The following TAAR5 variants were observed in gnomAD, a reference collection of about 807,000 sequenced individuals.
The protein encoded by TAAR5 is trace amine-associated receptor 5.
In TAAR5, 27 loss-of-function variants were observed where a neutral mutation model predicts 21.1. That is an observed-to-expected ratio of 1.28 (90% CI 0.94 to 1.76). The LOEUF is 1.76. TAAR5 is among the 40% of genes most tolerant of loss of function. TAAR5 has a pLI of 0.00. For synonymous variants in TAAR5, 203 were observed against 167.5 expected, an observed-to-expected ratio of 1.21 and a Z score of -1.64; for missense variants, 495 against 405.6, an observed-to-expected ratio of 1.22 and a Z score of -1.89.
chr6:132,608,030 G>C, the TAAR5 span, among the ~76,000 whole-genome samples: 1 of 152,170 alleles, frequency 6.6e-6, no homozygotes, highest in East Asian at 1.9e-4. Flanking sequence ...GTGTGGATTG[G>C]AAGTGGGTTA....
chr6:132,608,719 T>C, the TAAR5 span: 3 of 455,710 alleles, frequency 6.6e-6, no homozygotes, highest in African/African-American at 6.0e-5. Flanking sequence ...GGCACAGAAA[T>C]TGAAGCAAGC....
the TAAR5 span, among the ~76,000 whole-genome samples, chr6:132,612,822 G>A: frequency 6.6e-6 from 1 of 152,140 alleles, no homozygotes. Flanking sequence ...GCAGAATACA[G>A]ACTTGCAGTT....
chr6:132,591,765 G>C (rs991567794), upstream of TAAR5, among the ~76,000 whole-genome samples: 46 of 152,272 alleles, frequency 3.0e-4, no homozygotes, highest in African/African-American at 1.1e-3. Context: ...TTCTGTTCTG[G>C]GATAGATTAC....
the TAAR5 span, chr6:132,608,458 A>G: frequency 2.2e-5 from 10 of 455,974 alleles, no homozygotes; most frequent in South Asian, 1.4e-4. Flanking sequence ...CAGAACAGCA[A>G]GAAAACAAGG....
Position 132,588,909 on chromosome 6 carries a change from T to G in TAAR5, c.778A>C (p.Ile260Leu), listed in dbSNP as rs1005810941. The G allele has an allele frequency of 1.9e-6, 3 of 1,614,146 alleles. No homozygotes were observed. Among genetic ancestry groups the G allele is most frequent in the Non-Finnish European group, 2.5e-6 (3 of 1,180,008 alleles). The change falls in exon 1 of 1, where the codon ATA becomes CTA. Residue 260 changes from isoleucine to leucine, a missense_variant. Transcript: ENST00000258034. ...AAGGGCAGCCAGCACAAGAGGTATA[T>G]GCCCACAGCAATGCCCAGGGTCTTG... ...AAKTLGIAVG[I>L]YLLCWLPFTI...
chr6:132,608,813 A>G, the TAAR5 span: 3 of 455,956 alleles, frequency 6.6e-6, no homozygotes, highest in Non-Finnish European at 1.3e-5. Context: ...GGAACTGACC[A>G]GCAAAATGCC....
chr6:132,603,468 A>G, the TAAR5 span, among the ~76,000 whole-genome samples: 2 of 150,112 alleles, frequency 1.3e-5, no homozygotes, highest in Non-Finnish European at 3.0e-5. Flanking sequence ...AATGTATTAT[A>G]TGCATATGAT....
the TAAR5 span, among the ~76,000 whole-genome samples, chr6:132,602,772 T>C: frequency 6.3e-5 from 6 of 94,640 alleles, no homozygotes; most frequent in Non-Finnish European, 1.0e-4. Context: ...CTAAGACCTT[T>C]AGAAGTCAAA....
chr6:132,600,311 G>A, the TAAR5 span, among the ~76,000 whole-genome samples: 1 of 152,166 alleles, frequency 6.6e-6, no homozygotes, highest in African/African-American at 2.4e-5. Context: ...CCTTCTTTGA[G>A]GGAGAAGATC....
At chr6:132,611,338 T>G in the TAAR5 span, among the ~76,000 whole-genome samples, 1 of 151,684 alleles carries the variant, frequency 6.6e-6, no homozygotes, top group Non-Finnish European at 1.5e-5. Flanking sequence ...AAAATACAGT[T>G]AGATAGAATG....
the TAAR5 span, among the ~76,000 whole-genome samples, chr6:132,610,266 G>A: frequency 6.6e-6 from 1 of 152,158 alleles, no homozygotes; most frequent in Non-Finnish European, 1.5e-5. Flanking sequence ...AGAGAAGCTT[G>A]ACATTGTGCC....
At chr6:132,611,139 C>T in the TAAR5 span, among the ~76,000 whole-genome samples, 1 of 149,602 alleles carries the variant, frequency 6.7e-6, no homozygotes. Flanking sequence ...AACTGGAGGA[C>T]AATATGTTAG....
At chr6:132,602,921 C>T in the TAAR5 span, among the ~76,000 whole-genome samples, 1 of 151,708 alleles carries the variant, frequency 6.6e-6, no homozygotes, top group African/African-American at 2.4e-5. Context: ...GCTCATAAAA[C>T]TGCAAGCAGT....
At chr6:132,600,214 T>G in the TAAR5 span, among the ~76,000 whole-genome samples, 46 of 152,170 alleles carry the variant, frequency 3.0e-4, no homozygotes, top group African/African-American at 9.7e-4. Context: ...CAAATTATTA[T>G]TAGTAGTAGT....
chr6:132,592,597 C>T (rs1017626127), upstream of TAAR5, among the ~76,000 whole-genome samples: 1 of 152,116 alleles, frequency 6.6e-6, no homozygotes, highest in African/African-American at 2.4e-5. Context: ...TAGATTTCCC[C>T]TTTGGTGCTG....
At chr6:132,613,780 T>C in the TAAR5 span, among the ~76,000 whole-genome samples, 1 of 152,164 alleles carries the variant, frequency 6.6e-6, no homozygotes, top group African/African-American at 2.4e-5. Context: ...ATGAATACCA[T>C]ATAACTTGTA....
chr6:132,609,341 G>T, the TAAR5 span: 2 of 226,290 alleles, frequency 8.8e-6, no homozygotes, highest in African/African-American at 4.6e-5. Context: ...TTCTTAAAAT[G>T]ATTCCAGTAA....
chr6:132,588,610 G>A lies in TAAR5; in HGVS notation c.*63C>T, dbSNP rs1776848023. On this transcript the variant is annotated 3_prime_UTR_variant, in exon 1 of 1. Coordinates refer to ENST00000258034, the MANE Select transcript of TAAR5 (RefSeq NM_003967.3). Reference sequence around the variant, plus strand: ...ACAAACTCAACACCACACAGCCCACGGTCACAGTGCCACTTATCTTTCCTG... The same window carrying A: ...ACAAACTCAACACCACACAGCCCACAGTCACAGTGCCACTTATCTTTCCTG... The A allele has an allele frequency of 7.8e-6, 12 of 1,538,590 alleles. No homozygotes were observed. Among genetic ancestry groups the A allele is most frequent in the South Asian group, 5.0e-5 (4 of 79,980 alleles).
At chr6:132,614,406 A>C in the TAAR5 span, among the ~76,000 whole-genome samples, 9 of 152,250 alleles carry the variant, frequency 5.9e-5, no homozygotes, top group African/African-American at 2.2e-4. Context: ...AGAAAATTAT[A>C]ATGATTGTTT....
Sources: allele counts gnomAD v4.1 joint callset (sites outside exome capture counted in the v4.1 genomes callset), GRCh38; gene constraint gnomAD v4.1.1; transcripts MANE v1.5; gene names NCBI Gene and HGNC (gene_info 2026-07-23, HGNC 2026-07-21).